MYOF: variants seen among roughly 807,000 people sequenced by gnomAD.
The protein encoded by MYOF is fer-1-like 3, myoferlin.
Under a neutral mutation model 284.2 loss-of-function variants are expected in MYOF, and 244 were observed. That is an observed-to-expected ratio of 0.86 (90% CI 0.77 to 0.95). The LOEUF (loss-of-function observed/expected upper bound fraction) is 0.95, where lower values mean the gene tolerates loss of function less well. Among genes scored for constraint, MYOF ranks in the 40% least tolerant of loss-of-function variants. The pLI, the probability that MYOF is intolerant of heterozygous loss-of-function variation, is 0.00. For synonymous variants in MYOF, 904 were observed against 919.7 expected (o/e 0.98, Z 0.31); for missense variants, 2,496 against 2,560.6 (o/e 0.97, Z 0.54).
At position 93,306,789 on chromosome 10, in the gene MYOF, T is replaced by C. The variant is rs368024176; in HGVS notation, c.*174A>G. On this transcript the variant is annotated 3_prime_UTR_variant, in exon 54 of 54. Coordinates refer to ENST00000359263, the MANE Select transcript of MYOF (RefSeq NM_013451.4). ...AGAGATAACATGATGCAAACGTTGC[T>C]TGTTGGCCTGACTTTCCAGGACTAA... The C allele has an allele frequency of 4.2e-5, 28 of 662,576 alleles. No homozygotes were observed. The East Asian group carries it at 4.8e-4, about 11-fold the overall frequency. 41.0% of individuals were successfully genotyped at this position (662,576 alleles called of 1,614,324 possible).
chr10:93,431,586 C>G (rs564253242), intron 3 of MYOF, 70 bp from the exon 4 acceptor site: 2 of 1,078,954 alleles, frequency 1.9e-6, no homozygotes, highest in African/African-American at 3.1e-5. Flanking sequence ...CAGGACCTCT[C>G]AACCCCTACC....
chr10:93,456,370 T>C (rs1288809486), intron 2 of MYOF, among the ~76,000 whole-genome samples: 1 of 152,218 alleles, frequency 6.6e-6, no homozygotes, highest in Non-Finnish European at 1.5e-5. Context: ...TAAAGATTAA[T>C]TGAAGTTTTC....
At chr10:93,323,434 CT>C in intron 46 of MYOF, 76 bp from the exon 47 acceptor site, 1 of 1,248,638 alleles carries the variant, frequency 8.0e-7, no homozygotes, top group Non-Finnish European at 1.1e-6. Context: ...TTTCATATTT[CT>C]TAGATGAAAC....
intron 1 of MYOF, among the ~76,000 whole-genome samples, chr10:93,472,685 ATAGT>A (rs1032797021): frequency 6.6e-6 from 1 of 152,178 alleles, no homozygotes; most frequent in African/African-American, 2.4e-5. Context: ...TACACTTAAA[ATAGT>A]TAAGATGGTA....
chr10:93,431,307 A>G (rs749868901), intron 4 of MYOF, 101 bp downstream of exon 4: 25 of 922,028 alleles, frequency 2.7e-5, no homozygotes, highest in Non-Finnish European at 4.0e-5. Flanking sequence ...TGCTGGGATT[A>G]CAGGTGTGAG....
intron 46 of MYOF, 92 bp downstream of exon 46, chr10:93,325,734 A>T (rs944852792): frequency 1.4e-6 from 2 of 1,414,548 alleles, no homozygotes; most frequent in African/African-American, 2.9e-5. Context: ...ATCTCAAAGT[A>T]TTCAAAGAAG....
At chr10:93,443,753 T>C (rs1426044947) in intron 3 of MYOF, among the ~76,000 whole-genome samples, 1 of 152,208 alleles carries the variant, frequency 6.6e-6, no homozygotes, top group Non-Finnish European at 1.5e-5. Flanking sequence ...TACTGTTGCA[T>C]GTATTTTGTT....
chr10:93,369,737 C>T lies in MYOF; in HGVS notation c.2497G>A (p.Glu833Lys). The change falls in exon 25 of 54, where the codon GAG becomes AAG. Residue 833 changes from glutamate (E) to lysine (K), a missense_variant. Physicochemically the swap from Glu to Lys is moderately conservative, Grantham distance 56 (BLOSUM62 1). Around this residue, in one of 3 missense-constraint regions of MYOF, gnomAD observed 2,436 missense variants for 2,480.7 expected, o/e 0.98. Transcript: ENST00000359263. ...CCTAGCCAGATGTTCACTCGCAACT[C>T]CACAGGCACCTTTGGCCCGTTGTTT... Reference protein sequence around the residue: ...EKNNGPKVPVELRVNIWLGLS... With the variant: ...EKNNGPKVPVKLRVNIWLGLS... 6.2e-7 allele frequency: 1 copy of T among 1,614,176 alleles called. No homozygotes were observed. The highest frequency in any genetic ancestry group is 8.5e-7 in the Non-Finnish European group (1 of 1,180,028).
chr10:93,389,068 C>T lies in MYOF; in HGVS notation c.1543G>A (p.Gly515Arg). ...AGCTCATCATAGGGGTCTGGGAATC[C>T]CGTGTACTCTCTGGGGCTTCCATAA... ...NLYGSPREYT[G>R]FPDPYDELNT... Residue 515 changes from glycine to arginine, a missense_variant, in exon 18 of 54, where the codon GGA (glycine) becomes AGA (arginine). Coordinates refer to ENST00000359263, the MANE Select transcript of MYOF (RefSeq NM_013451.4). 1 of 1,614,128 alleles carries T rather than the reference C, an allele frequency of 6.2e-7. No homozygotes were observed. Among genetic ancestry groups the T allele is most frequent in the Non-Finnish European group, 8.5e-7 (1 of 1,180,006 alleles).
chr10:93,430,222 C>T (rs974574993), intron 4 of MYOF, among the ~76,000 whole-genome samples: 17 of 151,904 alleles, frequency 1.1e-4, no homozygotes, highest in Non-Finnish European at 2.4e-4. Flanking sequence ...GCGTGAGCCA[C>T]CGCGCCCAGC....
intron 45 of MYOF, among the ~76,000 whole-genome samples, chr10:93,326,169 T>C (rs1405358179): frequency 6.6e-6 from 1 of 152,168 alleles, no homozygotes; most frequent in Non-Finnish European, 1.5e-5. Context: ...CAAGCCTAAC[T>C]TGTGGACTGC....
chr10:93,429,291 C>T (rs1338888625), intron 4 of MYOF, among the ~76,000 whole-genome samples: 3 of 152,202 alleles, frequency 2.0e-5, no homozygotes, highest in Non-Finnish European at 4.4e-5. Context: ...TGAGGCCTCA[C>T]CAGAAGCTGA....
At position 93,333,221 on chromosome 10, in the gene MYOF, C is replaced by G; in HGVS notation, c.4811G>C (p.Arg1604Thr). ...AAAAACATTTAAGAATGTATATTAC[C>G]TGCCAAAGACTGGGTTGAGAGTGTT... is the stretch of plus-strand genomic sequence containing the variant. ...IPNTLNPVFG[R>T]MYELSCYLPQ... The change falls in exon 43 of 54, where the codon AGG (arginine) becomes ACG (threonine). Residue 1604 changes from arginine to threonine, a missense_variant and splice_region_variant. Arg to Thr is a moderately conservative substitution (Grantham distance 71). This residue lies in a region of MYOF where 2,436 missense variants were observed against 2,480.7 expected (regional missense o/e 0.98). Transcript: ENST00000359263. 4 of 1,612,816 alleles carry G rather than the reference C, an allele frequency of 2.5e-6. No homozygotes were observed. The highest frequency in any genetic ancestry group is 3.4e-6 in the Non-Finnish European group (4 of 1,178,802).
At chr10:93,447,105 C>T (rs1452144153) in intron 3 of MYOF, among the ~76,000 whole-genome samples, 1 of 152,166 alleles carries the variant, frequency 6.6e-6, no homozygotes, top group Non-Finnish European at 1.5e-5. Flanking sequence ...CTTAGAAGGA[C>T]CCTCTTAGAA....
chr10:93,345,444 G>A (rs1844145205), intron 37 of MYOF, among the ~76,000 whole-genome samples: 1 of 152,186 alleles, frequency 6.6e-6, no homozygotes. Context: ...CCATCAGGGG[G>A]ATAGCGGGGA....
At chr10:93,354,819 C>G (rs1356600660) in intron 31 of MYOF, among the ~76,000 whole-genome samples, 17 of 152,254 alleles carry the variant, frequency 1.1e-4, no homozygotes, top group Admixed American at 1.0e-3. Context: ...ATTTAATCTT[C>G]CTGTACCTTG....
intron 3 of MYOF, 111 bp from the exon 4 acceptor site, chr10:93,431,627 T>G: frequency 1.3e-6 from 1 of 777,100 alleles, no homozygotes; most frequent in Middle Eastern, 2.4e-4. Context: ...GAAGTCACTA[T>G]AATGAGATGT....
At position 93,477,572 on chromosome 10, in the gene MYOF, G is replaced by A. The variant is rs150857829; in HGVS notation, c.88+4535C>T. 1.0e-3 allele frequency among the ~76,000 whole-genome samples: 157 copies of A among 151,958 alleles called. 1 individual carries two copies. Among genetic ancestry groups the A allele is most frequent in the African/African-American group, 3.6e-3 (150 of 41,432 alleles). Reference sequence around the variant, plus strand: ...TTTGAAATGTGCATATTCATGGCCGGGCGCAGTGGCTCACGCCTGTAATCC... The same window carrying A: ...TTTGAAATGTGCATATTCATGGCCGAGCGCAGTGGCTCACGCCTGTAATCC... On this transcript the variant is annotated intron_variant, in intron 1 of 53. Coordinates refer to ENST00000359263, the MANE Select transcript of MYOF (RefSeq NM_013451.4).
intron 1 of MYOF, among the ~76,000 whole-genome samples, chr10:93,476,014 C>T (rs900679385): frequency 1.3e-5 from 2 of 152,238 alleles, no homozygotes; most frequent in African/African-American, 4.8e-5. Flanking sequence ...ATGGGAATGA[C>T]TCAGGAGATT....
Sources: allele counts gnomAD v4.1 joint callset (sites outside exome capture counted in the v4.1 genomes callset), GRCh38; gene constraint gnomAD v4.1.1; regional missense constraint gnomAD v4.1.1; transcripts MANE v1.5; gene names NCBI Gene and HGNC (gene_info 2026-07-23, HGNC 2026-07-21).